SLC39A10: variants seen among roughly 807,000 people sequenced by gnomAD.
The protein encoded by SLC39A10 is zinc transporter ZIP10.
A neutral mutation model predicts 65.1 loss-of-function variants in SLC39A10; 13 were observed. The ratio of observed to expected loss-of-function variants is 0.20; its 90% CI spans 0.13 to 0.32. The LOEUF (loss-of-function observed/expected upper bound fraction) is 0.32, where lower values mean the gene tolerates loss of function less well. Ranked by LOEUF, SLC39A10 falls within the 10% of genes least tolerant of loss-of-function variation. The probability of loss-of-function intolerance (pLI) is 1.00; values close to 1 mark genes in which losing one functional copy is unlikely to be tolerated. For missense variants in SLC39A10, 831 were observed against 1,018.4 expected (o/e 0.82, Z 2.50); for synonymous variants, 321 against 342.2 (o/e 0.94, Z 0.68).
chr2:195,643,197 T>C (rs979516609), intron 2 of SLC39A10, among the ~76,000 whole-genome samples: 1 of 152,158 alleles, frequency 6.6e-6, no homozygotes, highest in Admixed American at 6.5e-5. Context: ...AAAGTGACAA[T>C]TGGATTTAGT....
At chr2:195,731,968 A>G (rs1205608030) in intron 9 of SLC39A10, among the ~76,000 whole-genome samples, 1 of 152,230 alleles carries the variant, frequency 6.6e-6, no homozygotes. Context: ...TAGTATTTAT[A>G]ATGTCACAAT....
chr2:195,720,486 G>C (rs1691991405), intron 8 of SLC39A10, among the ~76,000 whole-genome samples: 1 of 152,126 alleles, frequency 6.6e-6, no homozygotes, highest in Admixed American at 6.5e-5. Flanking sequence ...TTCTTCATGT[G>C]TTTTCTAATT....
chr2:195,635,296 G>C (rs915380472), intron 2 of SLC39A10, among the ~76,000 whole-genome samples: 2 of 152,194 alleles, frequency 1.3e-5, no homozygotes, highest in African/African-American at 4.8e-5. Context: ...GTTATGGCCA[G>C]ACTTGTGTCA....
At position 195,629,298 on chromosome 2, in the gene SLC39A10, G is replaced by T. The variant is rs1047374979; in HGVS notation, c.-12+23065G>T. ...AGTCCCAGCTACTCAGGAGGCTGAG[G>T]CAGGAGAATCGCTTGAACCCGAGAG... is the stretch of plus-strand genomic sequence containing the variant. On this transcript the variant is annotated intron_variant, in intron 2 of 2. Coordinates refer to the SLC39A10 transcript ENST00000458054. Among the ~76,000 whole-genome samples the T allele has an allele frequency of 6.6e-5, 10 of 151,648 alleles. No homozygotes were observed. In the Middle Eastern group the frequency reaches 0.01, roughly 156 times the overall value.
At chr2:195,681,195 C>A in intron 2 of SLC39A10, 145 bp downstream of exon 2, 1 of 884,286 alleles carries the variant, frequency 1.1e-6, no homozygotes, top group Non-Finnish European at 1.7e-6. Flanking sequence ...AGGTAATGTT[C>A]ATGAACAGAA....
intron 1 of SLC39A10, among the ~76,000 whole-genome samples, chr2:195,672,225 G>T (rs1385815215): frequency 6.6e-6 from 1 of 152,034 alleles, no homozygotes; most frequent in African/African-American, 2.4e-5. Flanking sequence ...GGCCCTCCTG[G>T]GTTCAATCAA....
chr2:195,690,256 C>T (rs1381812987), intron 3 of SLC39A10, among the ~76,000 whole-genome samples: 1 of 149,684 alleles, frequency 6.7e-6, no homozygotes, highest in African/African-American at 2.5e-5. Flanking sequence ...GTATATACCA[C>T]ATTTTGCTTA....
intron 3 of SLC39A10, among the ~76,000 whole-genome samples, chr2:195,699,262 T>A (rs1390823668): frequency 6.6e-6 from 1 of 151,998 alleles, no homozygotes; most frequent in Non-Finnish European, 1.5e-5. Flanking sequence ...TTTCATTGAT[T>A]TTGTTTTTCT....
intron 2 of SLC39A10, among the ~76,000 whole-genome samples, chr2:195,628,235 C>T (rs534474129): frequency 6.6e-6 from 1 of 152,220 alleles, no homozygotes; most frequent in Non-Finnish European, 1.5e-5. Flanking sequence ...ATGAAATTCT[C>T]CAAAAACATT....
intron 2 of SLC39A10, among the ~76,000 whole-genome samples, chr2:195,643,086 G>A (rs1306574292): frequency 6.6e-6 from 1 of 152,184 alleles, no homozygotes; most frequent in Non-Finnish European, 1.5e-5. Context: ...TCTGTCCTGG[G>A]GATGTCACCT....
intron 1 of SLC39A10, among the ~76,000 whole-genome samples, chr2:195,674,229 TTAGG>T (rs1689988895): frequency 6.6e-6 from 1 of 152,178 alleles, no homozygotes; most frequent in African/African-American, 2.4e-5. Flanking sequence ...TGATGAGCAT[TTAGG>T]TTGTAGCAGG....
Position 195,718,351 on chromosome 2 carries a change from T to C in SLC39A10, c.2146+19T>C, listed in dbSNP as rs1433039038. ...GAATTAGGTAATATAACCTTAAAAA[T>C]TTTACCAGATTTCATCAAATCTAAG... On this transcript the variant is annotated intron_variant, in intron 8 of 9. Coordinates refer to ENST00000359634, the MANE Select transcript of SLC39A10 (RefSeq NM_020342.3). The C allele has an allele frequency of 6.4e-7, 1 of 1,553,784 alleles. No individual in the cohort carries two copies. The highest frequency in any genetic ancestry group is 1.2e-5 in the South Asian group (1 of 86,188).
At chr2:195,733,746 T>C (rs1692499101) in intron 9 of SLC39A10, among the ~76,000 whole-genome samples, 2 of 152,174 alleles carry the variant, frequency 1.3e-5, no homozygotes, top group South Asian at 4.1e-4. Flanking sequence ...TTCAGGCTGG[T>C]CTCAAACTCC....
At chr2:195,727,412 T>C (rs1313940605) in intron 8 of SLC39A10, among the ~76,000 whole-genome samples, 1 of 152,138 alleles carries the variant, frequency 6.6e-6, no homozygotes, top group Non-Finnish European at 1.5e-5. Context: ...TTGTCGATGC[T>C]CTTCGGAGCC....
chr2:195,729,961 ATTTT>A (rs58936616), intron 9 of SLC39A10, among the ~76,000 whole-genome samples: 979 of 92,120 alleles, frequency 0.011, 18 homozygotes, highest in East Asian at 0.072. Context: ...ACCATGCCTA[ATTTT>A]TTTTTTTTTT....
chr2:195,628,459 T>C (rs1183539164), intron 2 of SLC39A10, among the ~76,000 whole-genome samples: 1 of 152,234 alleles, frequency 6.6e-6, no homozygotes, highest in Admixed American at 6.5e-5. Context: ...ACATCCACTT[T>C]AATTCATTAC....
At chr2:195,709,693 A>G (rs2105815714) in intron 5 of SLC39A10, among the ~76,000 whole-genome samples, 1 of 152,248 alleles carries the variant, frequency 6.6e-6, no homozygotes, top group Non-Finnish European at 1.5e-5. Flanking sequence ...GATCTTTGCC[A>G]TTTTTGTTAC....
At chr2:195,645,837 C>T (rs1688903375) in intron 2 of SLC39A10, among the ~76,000 whole-genome samples, 1 of 152,156 alleles carries the variant, frequency 6.6e-6, no homozygotes, top group South Asian at 2.1e-4. Context: ...CAATATCCTG[C>T]AAAGTATTGA....
upstream of SLC39A10, among the ~76,000 whole-genome samples, chr2:195,656,008 T>A (rs1346935335): frequency 6.6e-6 from 1 of 152,178 alleles, no homozygotes; most frequent in East Asian, 1.9e-4. Context: ...CAAGTTAAAG[T>A]CTTGTGTGCC....
Sources: allele counts gnomAD v4.1 joint callset (sites outside exome capture counted in the v4.1 genomes callset), GRCh38; gene constraint gnomAD v4.1.1; transcripts MANE v1.5; gene names NCBI Gene and HGNC (gene_info 2026-07-23, HGNC 2026-07-21).